The following STAT6 variants were observed in gnomAD, a reference collection of about 807,000 sequenced individuals.
The protein encoded by STAT6 is signal transducer and activator of transcription 6.
STAT6 carries 45 observed loss-of-function variants against 106.3 expected under a neutral mutation model. The observed-to-expected ratio is 0.42, with a 90% CI of 0.33 to 0.54. STAT6 has a LOEUF of 0.54. Among genes scored for constraint, STAT6 ranks in the 20% least tolerant of loss-of-function variants. The probability of loss-of-function intolerance (pLI) is 0.06; values close to 1 mark genes in which losing one functional copy is unlikely to be tolerated. For missense variants in STAT6, 797 were observed against 1,062.2 expected, an observed-to-expected ratio of 0.75 and a Z score of 3.47; for synonymous variants, 413 against 413.6, an observed-to-expected ratio of 1.00 and a Z score of 0.02.
chr12:57,108,978 C>G (rs1017870790), intron 1 of STAT6, among the ~76,000 whole-genome samples: 1 of 152,144 alleles, frequency 6.6e-6, no homozygotes, highest in Non-Finnish European at 1.5e-5. Context: ...GCGGGCAGAT[C>G]ACGAGGTCAG....
chr12:57,098,059 T>G (rs3024976), intron 19 of STAT6, among the ~76,000 whole-genome samples: 86 of 152,218 alleles, frequency 5.6e-4, no homozygotes, highest in African/African-American at 1.9e-3. Flanking sequence ...ACCATCTAGG[T>G]TTGTGTAATT....
chr12:57,104,930 T>A (rs753315114), intron 9 of STAT6, 117 bp from the exon 10 acceptor site: 9 of 1,336,236 alleles, frequency 6.7e-6, no homozygotes, highest in Non-Finnish European at 9.4e-6. Flanking sequence ...TGTCTCTGTT[T>A]GGGTTCTTAA....
chr12:57,107,895 C>T, intron 2 of STAT6, 152 bp from the exon 3 acceptor site: 1 of 1,192,328 alleles, frequency 8.4e-7, no homozygotes, highest in Non-Finnish European at 1.2e-6. Context: ...CCTTGTTTCC[C>T]AGTCTTCTAG....
At chr12:57,100,834 C>T (rs1231805422) in intron 13 of STAT6, 1 of 455,306 alleles carries the variant, frequency 2.2e-6, no homozygotes, top group African/African-American at 2.0e-5. Context: ...CTCTCCTAGC[C>T]ATGGCACTCA....
intron 13 of STAT6, chr12:57,100,861 G>A (rs1440044820): frequency 4.4e-6 from 2 of 455,734 alleles, no homozygotes; most frequent in African/African-American, 2.0e-5. Flanking sequence ...TTGGGAACTT[G>A]AACAAACTAC....
rs1480346623 is a variant in STAT6 at position 57,106,376 on chromosome 12, C to T, written c.532-37G>A. ...GAGGGGCCTGAGCCAGGGCCTCACG[C>T]TGCCTCCACACCCAGCTCCTGGGAT... is the stretch of plus-strand genomic sequence containing the variant. On this transcript the variant is annotated intron_variant, in intron 6 of 21. Coordinates refer to ENST00000300134, the MANE Select transcript of STAT6 (RefSeq NM_003153.5). 4 of 1,612,882 alleles carry T rather than the reference C, an allele frequency of 2.5e-6. No individual in the cohort carries two copies. The Admixed American group carries it at 6.7e-5, about 27-fold the overall frequency.
Position 57,107,281 on chromosome 12 carries a change from C to A in STAT6, c.289G>T (p.Ala97Ser). Reference sequence around the variant, plus strand: ...CCTTGAAGTATTTGTCTGAAAGTGGCCACCAGCTTCAGGGGGTCCCTCTGA... The same window carrying A: ...CCTTGAAGTATTTGTCTGAAAGTGGACACCAGCTTCAGGGGGTCCCTCTGA... ...IYQRDPLKLV[A>S]TFRQILQGEK... is the part of the protein sequence containing the mutation. Residue 97 changes from alanine (A) to serine (S), a missense_variant, in exon 4 of 22, where the codon GCC (alanine) becomes TCC (serine). Transcript: ENST00000300134. The A allele has an allele frequency of 6.2e-7, 1 of 1,614,146 alleles. No homozygotes were observed. Among genetic ancestry groups the A allele is most frequent in the East Asian group, 2.2e-5 (1 of 44,878 alleles).
chr12:57,104,882 A>T, intron 9 of STAT6, 69 bp from the exon 10 acceptor site: 1 of 1,511,012 alleles, frequency 6.6e-7, no homozygotes, highest in Non-Finnish European at 9.2e-7. Flanking sequence ...TGCATGGGTG[A>T]GTGTAGACTA....
chr12:57,099,168 AAG>A lies in STAT6; in HGVS notation c.1892-92_1892-91del. 6.3e-7 allele frequency: 1 copy of A among 1,597,648 alleles called. No homozygotes were observed. Among genetic ancestry groups the A allele is most frequent in the Non-Finnish European group, 8.6e-7 (1 of 1,166,534 alleles). On this transcript the variant is annotated intron_variant, in intron 16 of 21. Transcript: ENST00000300134. This position sits in a 1 kb window ranked among gnomAD's most constrained non-coding sequence, Gnocchi z 4.7. ...AGGTGGGCATGGATCATGGGGAAGTAAGAGAAGCACAGCTATGAAATAGGGAG... is the reference window on the plus strand; with the variant it reads ...AGGTGGGCATGGATCATGGGGAAGTAAGAAGCACAGCTATGAAATAGGGAG...
chr12:57,096,996 T>C lies in STAT6; in HGVS notation c.2226-18A>G. The C allele has an allele frequency of 3.1e-6, 5 of 1,611,624 alleles. No homozygotes were observed. Among genetic ancestry groups the C allele is most frequent in the South Asian group, 1.1e-5 (1 of 90,964 alleles). ...GCAGGCCCCTGCCAGGAACCAGCAA[T>C]GGAAATAAGGAGAGCGGGGCAAGGC... On this transcript the variant is annotated intron_variant, in intron 20 of 21. Transcript: ENST00000300134.
intron 13 of STAT6, among the ~76,000 whole-genome samples, chr12:57,101,207 G>C (rs774527768): frequency 4.0e-5 from 6 of 151,678 alleles, no homozygotes; most frequent in Non-Finnish European, 7.4e-5. Flanking sequence ...TCCTGCCTCA[G>C]CCTCCCGAGT....
chr12:57,101,946 G>A (rs1385123999), intron 13 of STAT6, among the ~76,000 whole-genome samples: 1 of 152,224 alleles, frequency 6.6e-6, no homozygotes, highest in Non-Finnish European at 1.5e-5. Flanking sequence ...TTACAGGCAT[G>A]AGCCGCTGTG....
At chr12:57,102,119 C>T (rs1461332995) in intron 13 of STAT6, among the ~76,000 whole-genome samples, 171 bp downstream of exon 13, 3 of 152,116 alleles carry the variant, frequency 2.0e-5, no homozygotes, top group Admixed American at 6.5e-5. Context: ...CCAGAGCCAA[C>T]CCCCAGGCCT....
intron 11 of STAT6, chr12:57,104,252 C>T: frequency 1.6e-6 from 1 of 631,646 alleles, no homozygotes; most frequent in Non-Finnish European, 2.7e-6. Flanking sequence ...ATAGGAAGTG[C>T]TTCCGAAGTG....
chr12:57,106,827 C>T lies in STAT6; in HGVS notation c.344G>A (p.Arg115His), dbSNP rs766600386. Reference protein sequence around the residue: ...GEKKAVMEQFRHLPMPFHWKQ... With the variant: ...GEKKAVMEQFHHLPMPFHWKQ... ...CCAGTGGAAAGGCATTGGCAAGTGG[C>T]GGAACTACACAGGAAGGACAGATGC... Residue 115 changes from arginine (R) to histidine (H), a missense_variant, in exon 5 of 22, where the codon CGC (arginine) becomes CAC (histidine). Physicochemically the swap from Arg to His is conservative, Grantham distance 29. Coordinates refer to ENST00000300134, the MANE Select transcript of STAT6 (RefSeq NM_003153.5). 8 of 1,613,712 alleles carry T rather than the reference C, an allele frequency of 5.0e-6. No individual in the cohort carries two copies. Among genetic ancestry groups the T allele is most frequent in the South Asian group, 2.2e-5 (2 of 91,076 alleles).
chr12:57,102,328 A>G lies in STAT6; in HGVS notation c.1474T>C (p.Phe492Leu). ...FNDNSLSMEAFQHRSVSWSQF... is the reference protein window; with the variant it reads ...FNDNSLSMEALQHRSVSWSQF... ...GACCAGGACACAGAACGGTGCTGGA[A>G]GGCCTCCATACTGAGGCTGTTGTCA... The change falls in exon 13 of 22, where the codon TTC becomes CTC. Residue 492 changes from phenylalanine (F) to leucine (L), a missense_variant. Physicochemically the swap from Phe to Leu is conservative, Grantham distance 22 (BLOSUM62 0). Transcript: ENST00000300134. 1 of 1,614,168 alleles carries G rather than the reference A, an allele frequency of 6.2e-7. No individual in the cohort carries two copies. Among genetic ancestry groups the G allele is most frequent in the Non-Finnish European group, 8.5e-7 (1 of 1,180,030 alleles).
chr12:57,100,688 GAAAGAAAGAAAGAGAAAGAA>G (rs1320251829), intron 13 of STAT6, among the ~76,000 whole-genome samples: 747 of 61,640 alleles, frequency 0.012, 1 homozygote, highest in Middle Eastern at 0.037. Context: ...AAGAAAGAAA[GAAAGAAAGAAAGAGAAAGAA>G]AGAAAGAAAG....
intron 19 of STAT6, 54 bp downstream of exon 19, chr12:57,098,451 C>G (rs959408454): frequency 1.3e-6 from 2 of 1,565,864 alleles, no homozygotes; most frequent in Non-Finnish European, 1.8e-6. Context: ...TCTAACAATT[C>G]AAATGCCCAC....
rs2034222523 is a variant in STAT6, at chr12:57,105,580, T to C, written c.700A>G (p.Ile234Val). Residue 234 changes from isoleucine (I) to valine (V), a missense_variant, in exon 8 of 22, where the codon ATT becomes GTT. By Grantham distance (29) the Ile-to-Val change is conservative. This residue lies in a region of STAT6 where 336 missense variants were observed against 429.8 expected (regional missense o/e 0.78). Coordinates refer to ENST00000300134, the MANE Select transcript of STAT6 (RefSeq NM_003153.5). Reference sequence around the variant, plus strand: ...ACCTCCTGCTGTAGCTGGGAATAAATGTCCACCAGGCTTTCACACCTGGGG... The same window carrying C: ...ACCTCCTGCTGTAGCTGGGAATAAACGTCCACCAGGCTTTCACACCTGGGG... ...LQERCESLVD[I>V]YSQLQQEVGA... is the part of the protein sequence containing the mutation. 5 of 1,613,750 alleles carry C rather than the reference T, an allele frequency of 3.1e-6. No homozygotes were observed. In the South Asian group the frequency reaches 5.5e-5, roughly 18 times the overall value.
Sources: allele counts gnomAD v4.1 joint callset (sites outside exome capture counted in the v4.1 genomes callset), GRCh38; gene constraint gnomAD v4.1.1; regional missense constraint gnomAD v4.1.1; non-coding constraint Gnocchi (gnomAD v3.1); transcripts MANE v1.5; gene names NCBI Gene and HGNC (gene_info 2026-07-23, HGNC 2026-07-21).